The following COL27A1 variants were observed in gnomAD, a reference collection of about 807,000 sequenced individuals.
The protein encoded by COL27A1 is collagen alpha-1(XXVII) chain.
Under a neutral mutation model 251.3 loss-of-function variants are expected in COL27A1, and 106 were observed. The observed-to-expected ratio is 0.42, with a 90% CI of 0.36 to 0.50. The LOEUF is 0.50. COL27A1 is among the 20% of genes least tolerant of loss of function. The pLI is 0.00. For synonymous variants in COL27A1, 1,000 were observed against 986.3 expected (o/e 1.01, Z -0.26); for missense variants, 2,325 against 2,522.8 (o/e 0.92, Z 1.68).
rs753564232 is a variant in COL27A1, at chr9:114,266,565, G to A, written c.3394G>A (p.Gly1132Ser). 20 of 1,613,544 alleles carry A rather than the reference G, an allele frequency of 1.2e-5. No homozygotes were observed. The highest frequency in any genetic ancestry group is 1.6e-5 in the Non-Finnish European group (19 of 1,179,680). The change falls in exon 33 of 61, where the codon GGC (glycine) becomes AGC (serine). Residue 1132 changes from glycine (G) to serine (S), a missense_variant and splice_region_variant. Gly to Ser is a moderately conservative substitution (Grantham distance 56). Coordinates refer to ENST00000356083, the MANE Select transcript of COL27A1 (RefSeq NM_032888.4). ...GTCTGTGTGTCTGTCTGTCTTCCAG[G>A]GCCCTCAGGGACCCCAGGGGCCAAT... ...PGTKGLPGEP[G>S]PQGPQGPIGP...
At position 114,235,610 on chromosome 9, in the gene COL27A1, G is replaced by C; in HGVS notation, c.2577G>C (p.Gly859=). The change falls in exon 17 of 61, where the codon GGG becomes GGC. Residue 859 remains glycine (G), a synonymous_variant. Transcript: ENST00000356083. ...TGGTGTGTACTTAGGGTGAACAAGG[G>C]GTTCCAGGTGTGTCAGGAGATCCCG... The part of the protein sequence containing the change: ...PGLKGDKGEQ[G]VPGVSGDPGF... 3.7e-6 allele frequency: 6 copies of C among 1,613,850 alleles called. No individual in the cohort carries two copies. The highest frequency in any genetic ancestry group is 5.1e-6 in the Non-Finnish European group (6 of 1,179,774).
intron 12 of COL27A1, among the ~76,000 whole-genome samples, chr9:114,213,463 C>A (rs745716090): frequency 6.6e-6 from 1 of 152,166 alleles, no homozygotes; most frequent in South Asian, 2.1e-4. Context: ...TAAGGCCACT[C>A]ATTCATTCCT....
intron 4 of COL27A1, among the ~76,000 whole-genome samples, chr9:114,179,830 ATCTTTTTTTTT>A (rs1827752254): frequency 8.6e-6 from 1 of 115,962 alleles, no homozygotes; most frequent in Admixed American, 1.0e-4. Context: ...AGAGCCTACC[ATCTTTTTTTTT>A]TTTTTTTTTT....
In COL27A1 at chr9:114,311,273, G is replaced by A. The variant is rs1393040494; in HGVS notation, c.*578G>A. The A allele has an allele frequency of 2.0e-5, 3 of 151,506 alleles. No individual in the cohort carries two copies. The highest frequency in any genetic ancestry group is 1.9e-4 in the East Asian group (1 of 5,174). 9.4% of individuals were successfully genotyped at this position (151,506 alleles called of 1,614,324 possible). ...AGATCCTCGGGCTGGGGGTGCCCAC[G>A]TTTGCTACCTCCCACTGTGAAATCG... On this transcript the variant is annotated 3_prime_UTR_variant, in exon 61 of 61. Transcript: ENST00000356083.
chr9:114,231,056 C>A, intron 14 of COL27A1, 23 bp from the exon 15 acceptor site: 1 of 1,610,182 alleles, frequency 6.2e-7, no homozygotes, highest in Non-Finnish European at 8.5e-7. Flanking sequence ...TCACAGCACC[C>A]TCTTCTCTTT....
chr9:114,280,572 G>C (rs1249746), intron 37 of COL27A1, among the ~76,000 whole-genome samples: 110,467 of 152,148 alleles, frequency 0.73, 41,325 homozygotes, highest in East Asian at 1. Context: ...ATAGTAGCCA[G>C]ATTTCAAGTG....
intron 7 of COL27A1, 116 bp from the exon 8 acceptor site, chr9:114,204,986 A>G: frequency 1.1e-6 from 1 of 906,788 alleles, no homozygotes; most frequent in South Asian, 1.5e-5. Flanking sequence ...TGCACACTCC[A>G]TCCCGGATGC....
Position 114,237,179 on chromosome 9 carries a change from T to C in COL27A1, c.2673+145T>C. 5.4e-6 allele frequency: 4 copies of C among 745,556 alleles called. No individual in the cohort carries two copies. The South Asian group carries it at 7.6e-5, about 14-fold the overall frequency. The allele number at this position is 745,556 out of a possible 1,614,324, so 46.2% of individuals were successfully genotyped here. A position where few individuals can be genotyped will look rare whatever the true frequency, so the allele number is the denominator to read the frequency against. On this transcript the variant is annotated intron_variant, in intron 18 of 60. Coordinates refer to ENST00000356083, the MANE Select transcript of COL27A1 (RefSeq NM_032888.4). ...CAAGCAGGGCAGGGCAGGAATGGGA[T>C]GTGCTCATTTCACAGATGAGGATAC...
Position 114,168,388 on chromosome 9 carries a change from C to T in COL27A1, c.833C>T (p.Ala278Val). The change falls in exon 3 of 61, where the codon GCC becomes GTC. Residue 278 changes from alanine to valine, a missense_variant. By Grantham distance (64) the Ala-to-Val change is moderately conservative. Coordinates refer to ENST00000356083, the MANE Select transcript of COL27A1 (RefSeq NM_032888.4). ...GAGAACTTGACCACTGCCACACCAG[C>T]CCTGGGGTCACTGCCAGCAGGCAGG... Reference protein sequence around the residue: ...GLENLTTATPALGSLPAGRGP... With the variant: ...GLENLTTATPVLGSLPAGRGP... 4 of 1,613,562 alleles carry T rather than the reference C, an allele frequency of 2.5e-6. No homozygotes were observed. In the South Asian group the frequency reaches 4.4e-5, roughly 18 times the overall value.
intron 49 of COL27A1, among the ~76,000 whole-genome samples, chr9:114,295,720 C>A (rs1828218308): frequency 6.6e-6 from 1 of 151,970 alleles, no homozygotes; most frequent in Non-Finnish European, 1.5e-5. Flanking sequence ...TGCAATGGTG[C>A]AATCTCAGCT....
At chr9:114,308,390 C>T (rs550182573) in intron 59 of COL27A1, among the ~76,000 whole-genome samples, 2 of 152,330 alleles carry the variant, frequency 1.3e-5, no homozygotes, top group African/African-American at 4.8e-5. Context: ...GGGAAAGGAA[C>T]CCTCCCATTT....
At chr9:114,216,967 G>A (rs1046385107) in intron 12 of COL27A1, among the ~76,000 whole-genome samples, 5 of 152,166 alleles carry the variant, frequency 3.3e-5, no homozygotes, top group African/African-American at 9.7e-5. Context: ...AGCTTCTGGA[G>A]TCACACTGCC....
chr9:114,267,615 G>T, intron 34 of COL27A1, 58 bp downstream of exon 34: 3 of 1,438,348 alleles, frequency 2.1e-6, no homozygotes, highest in Non-Finnish European at 1.9e-6. Flanking sequence ...CCAGATGGTG[G>T]CCACATCCTC....
At chr9:114,306,395 T>G in intron 57 of COL27A1, 125 bp from the exon 58 acceptor site, 16 of 903,618 alleles carry the variant, frequency 1.8e-5, no homozygotes, top group Non-Finnish European at 2.7e-5. Context: ...ACCCAACCCG[T>G]GCTCTAGCCA....
chr9:114,174,756 C>T lies in COL27A1; in HGVS notation c.1909-3535C>T, dbSNP rs112224636. 2.8e-3 allele frequency among the ~76,000 whole-genome samples: 421 copies of T among 152,306 alleles called. 3 individuals are homozygous for T. The highest frequency in any genetic ancestry group is 9.7e-3 in the African/African-American group (403 of 41,560). On this transcript the variant is annotated intron_variant, in intron 3 of 60. Coordinates refer to ENST00000356083, the MANE Select transcript of COL27A1 (RefSeq NM_032888.4). Reference sequence around the variant, plus strand: ...ATTAAGTAACTTGCTCAAGGTCATACAGAGCTGTACTGATGCCAAGAAGCT... The same window carrying T: ...ATTAAGTAACTTGCTCAAGGTCATATAGAGCTGTACTGATGCCAAGAAGCT...
At chr9:114,302,046 C>T (rs779680230) in intron 55 of COL27A1, 36 bp from the exon 56 acceptor site, 4 of 1,598,384 alleles carry the variant, frequency 2.5e-6, no homozygotes, top group South Asian at 1.1e-5. Flanking sequence ...GCACACTGTC[C>T]CTGTCATTTG....
At chr9:114,301,600 G>A (rs1263547811) in intron 54 of COL27A1, 82 bp from the exon 55 acceptor site, 1 of 1,532,170 alleles carries the variant, frequency 6.5e-7, no homozygotes, top group Admixed American at 1.9e-5. Flanking sequence ...CTGGGTCCCA[G>A]GTCTGCTTGA....
intron 56 of COL27A1, among the ~76,000 whole-genome samples, chr9:114,303,241 T>TC (rs2131673167): frequency 6.9e-6 from 1 of 144,712 alleles, no homozygotes; most frequent in Non-Finnish European, 1.5e-5. Context: ...TTTTTTCTTT[T>TC]CTTTTTTTTT....
intron 2 of COL27A1, among the ~76,000 whole-genome samples, chr9:114,164,194 C>T (rs764750825): frequency 2.2e-4 from 34 of 152,160 alleles, no homozygotes; most frequent in Non-Finnish European, 1.0e-4. Flanking sequence ...ATAAAGAGTA[C>T]CTGCTCCATA....
Sources: allele counts gnomAD v4.1 joint callset (sites outside exome capture counted in the v4.1 genomes callset), GRCh38; gene constraint gnomAD v4.1.1; transcripts MANE v1.5; gene names NCBI Gene and HGNC (gene_info 2026-07-23, HGNC 2026-07-21).